DNER: variants seen among roughly 807,000 people sequenced by gnomAD.
DNER encodes the protein delta/notch like EGF repeat containing, also known as delta and Notch-like epidermal growth factor-related receptor.
Under a neutral mutation model 78.2 loss-of-function variants are expected in DNER, and 33 were observed. The ratio of observed to expected loss-of-function variants is 0.42; its 90% CI spans 0.32 to 0.56. DNER has a LOEUF of 0.56. DNER is among the 20% of genes least tolerant of loss of function. DNER has a pLI of 0.11. For synonymous variants in DNER, 417 were observed against 384.8 expected, an observed-to-expected ratio of 1.08 and a Z score of -0.98; for missense variants, 918 against 975.3, an observed-to-expected ratio of 0.94 and a Z score of 0.78.
In DNER at chr2:229,513,530, C is replaced by G. The variant is rs537930109; in HGVS notation, c.994-594G>C. On this transcript the variant is annotated intron_variant, in intron 5 of 12. Transcript: ENST00000341772. The stretch of plus-strand genomic sequence containing the variant: ...TATTAACATTATCTTAGTAAAAGAC[C>G]ATAACTCAGACACAGAGAATGGAAT... Among the ~76,000 whole-genome samples, 152 of 152,230 alleles carry G rather than the reference C, an allele frequency of 1.0e-3. 4 individuals are homozygous for G. In the South Asian group the frequency reaches 0.03, roughly 30 times the overall value.
chr2:229,514,742 G>A (rs191468557), intron 5 of DNER, among the ~76,000 whole-genome samples: 1 of 152,226 alleles, frequency 6.6e-6, no homozygotes, highest in Non-Finnish European at 1.5e-5. Context: ...TTGCACATGA[G>A]ATCATGTTTT....
chr2:229,639,255 ATTTG>A (rs895626466), intron 1 of DNER, among the ~76,000 whole-genome samples: 3 of 152,040 alleles, frequency 2.0e-5, no homozygotes, highest in African/African-American at 7.2e-5. Flanking sequence ...CAACCATTTT[ATTTG>A]TTTGTTTGTT....
At position 229,530,945 on chromosome 2, in the gene DNER, C is replaced by T. The variant is rs568012440; in HGVS notation, c.993+16002G>A. ...AGCAATCTAAAGGAAGAAACCCATA[C>T]GAGCATTCATGACAGCCTGACAGAT... is the stretch of plus-strand genomic sequence containing the variant. On this transcript the variant is annotated intron_variant, in intron 5 of 12. Coordinates refer to ENST00000341772, the MANE Select transcript of DNER (RefSeq NM_139072.4). Among the ~76,000 whole-genome samples the T allele has an allele frequency of 1.9e-3, 283 of 152,296 alleles. 1 individual carries two copies. The highest frequency in any genetic ancestry group is 2.4e-4 in the Non-Finnish European group (16 of 68,024).
At chr2:229,593,564 A>G (rs531278238) in intron 1 of DNER, among the ~76,000 whole-genome samples, 4 of 152,392 alleles carry the variant, frequency 2.6e-5, no homozygotes, top group African/African-American at 9.6e-5. Context: ...CAGCCTGTCC[A>G]GGAACACAGA....
intron 12 of DNER, among the ~76,000 whole-genome samples, chr2:229,365,594 GC>G (rs1692327338): frequency 6.6e-6 from 1 of 152,104 alleles, no homozygotes; most frequent in African/African-American, 2.4e-5. Context: ...CCGCCACCAT[GC>G]CTGGCTAATT....
At chr2:229,587,974 A>G (rs973560931) in intron 3 of DNER, among the ~76,000 whole-genome samples, 11 of 151,712 alleles carry the variant, frequency 7.3e-5, no homozygotes, top group African/African-American at 2.4e-4. Flanking sequence ...ATAAATAAAA[A>G]TTATAAAAAA....
intron 6 of DNER, among the ~76,000 whole-genome samples, chr2:229,508,946 A>G (rs960907812): frequency 1.3e-5 from 2 of 152,054 alleles, no homozygotes; most frequent in Non-Finnish European, 1.5e-5. Context: ...GAACTGATCA[A>G]CTCAAGATTC....
At chr2:229,562,767 C>A (rs760502687) in intron 4 of DNER, among the ~76,000 whole-genome samples, 3 of 152,072 alleles carry the variant, frequency 2.0e-5, no homozygotes, top group Non-Finnish European at 2.9e-5. Context: ...ATAGCACTAT[C>A]TATTTCCTGG....
chr2:229,681,215 T>C (rs1442462719), intron 1 of DNER, among the ~76,000 whole-genome samples: 2 of 152,174 alleles, frequency 1.3e-5, no homozygotes, highest in Admixed American at 6.5e-5. Context: ...ACAAGACTAG[T>C]ATAATCTGGC....
At chr2:229,575,639 A>T (rs978383340) in intron 4 of DNER, among the ~76,000 whole-genome samples, 1 of 152,086 alleles carries the variant, frequency 6.6e-6, no homozygotes, top group Non-Finnish European at 1.5e-5. Flanking sequence ...ACCTGCTCCA[A>T]CACCACCGCA....
intron 11 of DNER, among the ~76,000 whole-genome samples, chr2:229,369,603 T>C (rs1261838457): frequency 1.3e-5 from 2 of 152,154 alleles, no homozygotes; most frequent in Admixed American, 1.3e-4. Flanking sequence ...GGTCACATGC[T>C]GTTCCCTAAG....
At chr2:229,431,335 G>A (rs912498963) in intron 8 of DNER, among the ~76,000 whole-genome samples, 1 of 152,066 alleles carries the variant, frequency 6.6e-6, no homozygotes, top group Non-Finnish European at 1.5e-5. Context: ...CTGCTTTAAC[G>A]GAAACAGTGT....
At chr2:229,573,121 G>A (rs1224553013) in intron 4 of DNER, among the ~76,000 whole-genome samples, 9 of 152,104 alleles carry the variant, frequency 5.9e-5, no homozygotes, top group Non-Finnish European at 1.0e-4. Context: ...TGTTATTAGC[G>A]ATGCAGCCAA....
At chr2:229,611,492 A>G (rs1698046775) in intron 1 of DNER, among the ~76,000 whole-genome samples, 2 of 152,266 alleles carry the variant, frequency 1.3e-5, no homozygotes, top group South Asian at 4.1e-4. Context: ...TAACAATTTT[A>G]GAAATCTCAA....
intron 1 of DNER, among the ~76,000 whole-genome samples, chr2:229,668,573 T>TATATATATATATATATAC (rs1259916500): frequency 8.7e-5 from 8 of 92,200 alleles, no homozygotes; most frequent in South Asian, 3.4e-4. Context: ...TATATATATA[T>TATATATATATATATATAC]ATATATAAAA....
intron 8 of DNER, among the ~76,000 whole-genome samples, chr2:229,441,179 C>G (rs1239524465): frequency 6.6e-6 from 1 of 151,984 alleles, no homozygotes; most frequent in African/African-American, 2.4e-5. Flanking sequence ...CCCCCATGAC[C>G]CAGGACTTCC....
At chr2:229,408,784 T>C (rs1369444292) in intron 9 of DNER, among the ~76,000 whole-genome samples, 2 of 152,218 alleles carry the variant, frequency 1.3e-5, no homozygotes, top group Admixed American at 1.3e-4. Context: ...TAATGACTTA[T>C]TTGAGCCAGG....
At chr2:229,706,532 C>T (rs1040128307) in intron 1 of DNER, among the ~76,000 whole-genome samples, 26 of 152,180 alleles carry the variant, frequency 1.7e-4, no homozygotes, top group African/African-American at 6.0e-4. Context: ...CACTGCACTA[C>T]AGCCTGGGTG....
At chr2:229,376,717 T>C (rs1221230463) in intron 11 of DNER, among the ~76,000 whole-genome samples, 1 of 152,184 alleles carries the variant, frequency 6.6e-6, no homozygotes, top group East Asian at 1.9e-4. Flanking sequence ...CTCTCATTTG[T>C]ACAGGAGAAA....
Sources: gnomAD v4.1 joint callset for allele counts (sites outside exome capture counted in the v4.1 genomes callset) on GRCh38, gnomAD v4.1.1 for gene constraint, MANE v1.5 for transcripts, NCBI Gene and HGNC (gene_info 2026-07-23, HGNC 2026-07-21) for gene names.